RAP1GAP: variants seen among roughly 807,000 people sequenced by gnomAD.
RAP1GAP encodes RAP1 GTPase activating protein, also known as rap1 GTPase-activating protein 1.
Under a neutral mutation model 87.2 loss-of-function variants are expected in RAP1GAP, and 35 were observed. The ratio of observed to expected loss-of-function variants is 0.40; its 90% CI spans 0.31 to 0.53. RAP1GAP has a LOEUF of 0.53. Among genes scored for constraint, RAP1GAP ranks in the 20% least tolerant of loss-of-function variants. RAP1GAP has a pLI of 0.48. For synonymous variants in RAP1GAP, 375 were observed against 363.9 expected (o/e 1.03, Z -0.35); for missense variants, 734 against 898.9 (o/e 0.82, Z 2.35).
chr1:21,665,341 C>A, intron 1 of RAP1GAP: 1 of 456,792 alleles, frequency 2.2e-6, no homozygotes, highest in East Asian at 6.2e-5. Flanking sequence ...AAGTCACTTT[C>A]TCTCTTTGAG....
chr1:21,604,823 G>A (rs2072740207), intron 18 of RAP1GAP, among the ~76,000 whole-genome samples: 1 of 150,398 alleles, frequency 6.6e-6, no homozygotes, highest in Non-Finnish European at 1.5e-5. Flanking sequence ...ATGGATGGAT[G>A]GAGATAGAGG....
chr1:21,634,654 C>A lies in RAP1GAP; in HGVS notation c.-112-8257G>T. On this transcript the variant is annotated intron_variant, in intron 2 of 24. Coordinates refer to ENST00000374765, the MANE Select transcript of RAP1GAP (RefSeq NM_002885.4). The surrounding 1 kb of genome is among the most constrained non-coding windows in gnomAD (Gnocchi z 4.1). ...GAGACACCCGGATCCCGGAGCTGGG[C>A]CAGGCAGAGGCCTCCTGAACAAATA... The A allele has an allele frequency of 7.5e-6, 2 of 265,580 alleles. No individual in the cohort carries two copies. The highest frequency in any genetic ancestry group is 1.7e-5 in the Non-Finnish European group (2 of 118,344). The allele number at this position is 265,580 out of a possible 1,614,324, so 16.5% of individuals were successfully genotyped here.
intron 1 of RAP1GAP, among the ~76,000 whole-genome samples, chr1:21,666,980 C>T (rs562391268): frequency 2.0e-5 from 3 of 151,842 alleles, no homozygotes; most frequent in South Asian, 2.1e-4. Flanking sequence ...CAGGCAGAGT[C>T]GGGGGCAGGG....
chr1:21,619,875 TG>T, intron 4 of RAP1GAP, 139 bp downstream of exon 4: 1 of 891,220 alleles, frequency 1.1e-6, no homozygotes, highest in Non-Finnish European at 1.8e-6. Context: ...CAGAGGACCC[TG>T]GACAACCAAT....
At chr1:21,645,734 C>T (rs950305414) in intron 2 of RAP1GAP, among the ~76,000 whole-genome samples, 2 of 152,166 alleles carry the variant, frequency 1.3e-5, no homozygotes, top group Admixed American at 6.5e-5. Context: ...AGCTGCCCGT[C>T]GGGGGCCTGC....
intron 2 of RAP1GAP, among the ~76,000 whole-genome samples, chr1:21,627,437 A>G (rs1173525291): frequency 7.3e-6 from 1 of 137,866 alleles, no homozygotes; most frequent in Non-Finnish European, 1.5e-5. Flanking sequence ...TTTTTATGAC[A>G]GAGTTTCGCT....
At position 21,612,013 on chromosome 1, in the gene RAP1GAP, G is replaced by T. The variant is rs1166626207; in HGVS notation, c.612+13C>A. ...CCAGGTGGGGAGGGGCGGCAGGGAG[G>T]AGGTGAGCACACCTGCCCAAGCTTC... On this transcript the variant is annotated intron_variant, in intron 11 of 24. Coordinates refer to ENST00000374765, the MANE Select transcript of RAP1GAP (RefSeq NM_002885.4). 1.3e-6 allele frequency: 2 copies of T among 1,537,136 alleles called. No individual in the cohort carries two copies. Among genetic ancestry groups the T allele is most frequent in the East Asian group, 4.8e-5 (2 of 41,442 alleles).
intron 17 of RAP1GAP, among the ~76,000 whole-genome samples, chr1:21,607,868 C>A (rs1055426791): frequency 6.6e-6 from 1 of 152,126 alleles, no homozygotes; most frequent in Non-Finnish European, 1.5e-5. Flanking sequence ...CACACCCCCA[C>A]GCCATGTCCA....
chr1:21,617,368 T>G lies in RAP1GAP; in HGVS notation c.229A>C (p.Thr77Pro), dbSNP rs2082926877. Residue 77 changes from threonine to proline, a missense_variant, in exon 7 of 25, where the codon ACC (threonine) becomes CCC (proline). Transcript: ENST00000374765. Reference sequence around the variant, plus strand: ...GGGTTGCACTCGAGCTTCACCTTGGTTGTGGGCGACTGCAGTGGCTCTGTC... The same window carrying G: ...GGGTTGCACTCGAGCTTCACCTTGGGTGTGGGCGACTGCAGTGGCTCTGTC... ...PETEPLQSPT[T>P]KVKLECNPTA... 6.2e-7 allele frequency: 1 copy of G among 1,600,812 alleles called. No homozygotes were observed.
chr1:21,637,808 C>A (rs943365857), intron 2 of RAP1GAP, among the ~76,000 whole-genome samples: 2 of 152,020 alleles, frequency 1.3e-5, no homozygotes, highest in African/African-American at 2.4e-5. Flanking sequence ...CAACAAAAAT[C>A]TCATTTGTAA....
In RAP1GAP at chr1:21,666,480, C is replaced by T. The variant is rs547610730; in HGVS notation, c.-149+2774G>A. Among the ~76,000 whole-genome samples the T allele has an allele frequency of 1.1e-4, 16 of 152,290 alleles. No individual in the cohort carries two copies. In the East Asian group the frequency reaches 2.1e-3, roughly 20 times the overall value. ...AAGGAGCAGCCTGGGGAGAGGCTCC[C>T]GTGGCAACCCGCTGGGTATGTACAC... On this transcript the variant is annotated intron_variant, in intron 1 of 24. Coordinates refer to ENST00000374765, the MANE Select transcript of RAP1GAP (RefSeq NM_002885.4).
chr1:21,655,946 A>G (rs955062246), intron 1 of RAP1GAP, among the ~76,000 whole-genome samples: 3 of 152,164 alleles, frequency 2.0e-5, no homozygotes, highest in African/African-American at 7.2e-5. Context: ...AGGGCCTCCA[A>G]TAGCCTCCTC....
intron 18 of RAP1GAP, among the ~76,000 whole-genome samples, chr1:21,604,964 G>A (rs1253930756): frequency 1.5e-5 from 2 of 132,068 alleles, no homozygotes; most frequent in Non-Finnish European, 3.3e-5. Flanking sequence ...TGAGTGGGTG[G>A]GTGGGTGGAT....
chr1:21,652,381 G>A (rs1442676434), intron 1 of RAP1GAP, among the ~76,000 whole-genome samples: 1 of 152,238 alleles, frequency 6.6e-6, no homozygotes, highest in African/African-American at 2.4e-5. Flanking sequence ...GCTCGGCCCA[G>A]GCCCTGGCGT....
chr1:21,617,565 G>T, intron 6 of RAP1GAP, 74 bp from the exon 7 acceptor site: 1 of 1,476,348 alleles, frequency 6.8e-7, no homozygotes, highest in South Asian at 1.3e-5. Context: ...TCCCAACTCA[G>T]ACCTGGAGCC....
rs1041150534 is a variant in RAP1GAP, at chr1:21,597,591, C to A, written c.*34+95G>T. On this transcript the variant is annotated intron_variant, in intron 24 of 24. Transcript: ENST00000374765. The stretch of plus-strand genomic sequence containing the variant: ...AAACCCAGATACATAGCTCCCACCC[C>A]AGAGAGGTGACAGAAGAACAGGGAG... The A allele has an allele frequency of 5.4e-6, 7 of 1,299,368 alleles. No individual in the cohort carries two copies. The African/African-American group carries it at 7.4e-5, about 14-fold the overall frequency. The allele number at this position is 1,299,368 out of a possible 1,614,324, so 80.5% of individuals were successfully genotyped here. A position where few individuals can be genotyped will look rare whatever the true frequency, so the allele number is the denominator to read the frequency against.
chr1:21,610,118 A>C lies in RAP1GAP; in HGVS notation c.999+2T>G, dbSNP rs2077319853. 6.2e-7 allele frequency: 1 copy of C among 1,613,404 alleles called. No individual in the cohort carries two copies. On this transcript the variant is annotated splice_donor_variant, in intron 14 of 24. Transcript: ENST00000374765. LOFTEE classifies it high-confidence loss of function. ...CCCCTGGGAGGCTCCAAGAGCGCCC[A>C]CCTTGTAGAGGGGGCCATCAGGGCC...
In RAP1GAP at chr1:21,609,050, G is replaced by A; in HGVS notation, c.1072-114C>T. 1.1e-6 allele frequency: 1 copy of A among 894,724 alleles called. No individual in the cohort carries two copies. The highest frequency in any genetic ancestry group is 1.8e-6 in the Non-Finnish European group (1 of 547,582). 55.4% of individuals were successfully genotyped at this position (894,724 alleles called of 1,614,324 possible). A position where few individuals can be genotyped will look rare whatever the true frequency, so the allele number is the denominator to read the frequency against. ...AGCTCCTGAACCATGCTCTGCTGGG[G>A]CCTGGGGTCACCCTCTTCACTCCCA... On this transcript the variant is annotated intron_variant, in intron 15 of 24. Coordinates refer to ENST00000374765, the MANE Select transcript of RAP1GAP (RefSeq NM_002885.4). The surrounding 1 kb of genome is among the most constrained non-coding windows in gnomAD (Gnocchi z 4.4).
At chr1:21,645,913 G>C (rs1264765187) in intron 2 of RAP1GAP, among the ~76,000 whole-genome samples, 4 of 152,138 alleles carry the variant, frequency 2.6e-5, no homozygotes, top group Non-Finnish European at 5.9e-5. Context: ...ACCCACCCCA[G>C]CCCACCACTC....
Sources: gnomAD v4.1 joint callset for allele counts (sites outside exome capture counted in the v4.1 genomes callset) on GRCh38, gnomAD v4.1.1 for gene constraint, Gnocchi (gnomAD v3.1) non-coding constraint, MANE v1.5 for transcripts, NCBI Gene and HGNC (gene_info 2026-07-23, HGNC 2026-07-21) for gene names.